FILIP1: variants seen among roughly 807,000 people sequenced by gnomAD.
FILIP1 encodes the protein filamin-A-interacting protein 1.
In FILIP1, 61 loss-of-function variants were observed where a neutral mutation model predicts 102.1. The ratio of observed to expected loss-of-function variants is 0.60; its 90% CI spans 0.49 to 0.74. FILIP1 has a LOEUF of 0.74. Among genes scored for constraint, FILIP1 ranks in the 30% least tolerant of loss-of-function variants. FILIP1 has a pLI of 0.00. For synonymous variants in FILIP1, 491 were observed against 526.9 expected, an observed-to-expected ratio of 0.93 and a Z score of 0.93; for missense variants, 1,314 against 1,441.2, an observed-to-expected ratio of 0.91 and a Z score of 1.43.
At chr6:75,433,813 T>G (rs1345871534) in intron 1 of FILIP1, among the ~76,000 whole-genome samples, 1 of 152,252 alleles carries the variant, frequency 6.6e-6, no homozygotes, top group Admixed American at 6.5e-5. Flanking sequence ...AGGGTTTTTA[T>G]GGTTTTAGGT....
intron 2 of FILIP1, among the ~76,000 whole-genome samples, chr6:75,414,140 G>A (rs1328087181): frequency 1.3e-5 from 2 of 150,344 alleles, no homozygotes; most frequent in South Asian, 2.1e-4. Context: ...CATAATGAAT[G>A]CAATGCTCTG....
In FILIP1 at chr6:75,312,504, G is replaced by T. The variant is rs748714654; in HGVS notation, c.3328C>A (p.Arg1110Ser). ...EKEVSTGTVL[R>S]SPRNHLSSRP... ...GAGGAGAGGTGATTCCTGGGAGAGCGAAGGACAGTGCCGGTGGAAACCTCC... is the reference window on the plus strand; with the variant it reads ...GAGGAGAGGTGATTCCTGGGAGAGCTAAGGACAGTGCCGGTGGAAACCTCC... Residue 1110 changes from arginine (R) to serine (S), a missense_variant, in exon 5 of 6, where the codon CGC becomes AGC. This residue lies in a region of FILIP1 where 816 missense variants were observed against 913.1 expected (regional missense o/e 0.89). Coordinates refer to ENST00000237172, the MANE Select transcript of FILIP1 (RefSeq NM_015687.5). 1 of 1,614,074 alleles carries T rather than the reference G, an allele frequency of 6.2e-7. No individual in the cohort carries two copies. The highest frequency in any genetic ancestry group is 8.5e-7 in the Non-Finnish European group (1 of 1,180,038).
intron 2 of FILIP1, among the ~76,000 whole-genome samples, chr6:75,369,206 G>A (rs1407537616): frequency 1.3e-5 from 2 of 152,148 alleles, no homozygotes; most frequent in Non-Finnish European, 2.9e-5. Flanking sequence ...CAGCCTAAAT[G>A]AGGAGGATCC....
At chr6:75,432,728 A>T (rs1431865055) in intron 1 of FILIP1, among the ~76,000 whole-genome samples, 1 of 152,028 alleles carries the variant, frequency 6.6e-6, no homozygotes, top group East Asian at 1.9e-4. Context: ...CATGTGCATA[A>T]CATGCAGGTT....
In FILIP1 at chr6:75,415,531, T is replaced by TG. The variant is rs377241837; in HGVS notation, c.-6-554dup. ...CAGGAGCCAGTTGGATGTCACAGTG[T>TG]GGAAAAAAAAAAAAAAAAAAAAAGC... On this transcript the variant is annotated intron_variant, in intron 1 of 5. Coordinates refer to ENST00000237172, the MANE Select transcript of FILIP1 (RefSeq NM_015687.5). 2.3e-4 allele frequency among the ~76,000 whole-genome samples: 25 copies of TG among 106,434 alleles called. No individual in the cohort carries two copies. In the South Asian group the frequency reaches 5.5e-3, roughly 24 times the overall value. The allele number at this position is 106,434 out of a possible 152,430, so 69.8% of individuals were successfully genotyped here.
At chr6:75,367,816 A>T (rs1405089985) in intron 2 of FILIP1, among the ~76,000 whole-genome samples, 5 of 152,226 alleles carry the variant, frequency 3.3e-5, no homozygotes, top group Non-Finnish European at 7.3e-5. Flanking sequence ...ACAACTTTAC[A>T]TCTCCATTTT....
At position 75,444,025 on chromosome 6, in the gene FILIP1, T is replaced by C. The variant is rs371846571; in HGVS notation, c.-6-29047A>G. ...AGCACAGCACTATGCATGTAGAAAGTACTTAATAAATAGAAGAGGTAACAA... is the reference window on the plus strand; with the variant it reads ...AGCACAGCACTATGCATGTAGAAAGCACTTAATAAATAGAAGAGGTAACAA... On this transcript the variant is annotated intron_variant, in intron 1 of 5. Transcript: ENST00000237172. Among the ~76,000 whole-genome samples, 55 of 152,318 alleles carry C rather than the reference T, an allele frequency of 3.6e-4. No homozygotes were observed. The South Asian group carries it at 7.7e-3, about 21-fold the overall frequency.
chr6:75,384,604 C>A (rs909481875), intron 2 of FILIP1, among the ~76,000 whole-genome samples: 1 of 151,984 alleles, frequency 6.6e-6, no homozygotes, highest in African/African-American at 2.4e-5. Context: ...ACTCCTATAG[C>A]TAATTGTTCA....
chr6:75,365,246 G>C (rs897170763), intron 2 of FILIP1, among the ~76,000 whole-genome samples: 1 of 151,982 alleles, frequency 6.6e-6, no homozygotes, highest in Non-Finnish European at 1.5e-5. Flanking sequence ...AGAATGTACT[G>C]TTGTTTGTAC....
At chr6:75,424,047 T>C (rs897441422) in intron 1 of FILIP1, among the ~76,000 whole-genome samples, 5 of 152,184 alleles carry the variant, frequency 3.3e-5, no homozygotes, top group Admixed American at 1.3e-4. Context: ...AACAGCCTGC[T>C]AAAGCAAGTA....
chr6:75,377,467 A>G (rs2951939), intron 2 of FILIP1, among the ~76,000 whole-genome samples: 112,943 of 152,122 alleles, frequency 0.74, 42,531 homozygotes, highest in African/African-American at 0.88. Context: ...CTGTTGTTTA[A>G]GAGATACGTG....
chr6:75,361,118 G>C (rs1302025435), intron 3 of FILIP1, among the ~76,000 whole-genome samples: 1 of 152,178 alleles, frequency 6.6e-6, no homozygotes, highest in Admixed American at 6.5e-5. Flanking sequence ...TCTTCAGATT[G>C]TTAAGAGGAG....
chr6:75,387,260 G>A (rs1164925722), intron 2 of FILIP1, among the ~76,000 whole-genome samples: 1 of 152,012 alleles, frequency 6.6e-6, no homozygotes, highest in Admixed American at 6.6e-5. Context: ...TCTTTTTCCA[G>A]TCTAACTTTG....
chr6:75,321,970 C>T (rs1001511794), intron 4 of FILIP1, among the ~76,000 whole-genome samples: 1 of 152,036 alleles, frequency 6.6e-6, no homozygotes, highest in South Asian at 2.1e-4. Flanking sequence ...GAAACAGATA[C>T]AGAGAAAGAG....
chr6:75,432,917 A>G (rs1416360289), intron 1 of FILIP1, among the ~76,000 whole-genome samples: 1 of 152,008 alleles, frequency 6.6e-6, no homozygotes, highest in Non-Finnish European at 1.5e-5. Context: ...TATGAGTGAG[A>G]ACATGTGGTG....
At chr6:75,337,923 C>T (rs1774295731) in intron 4 of FILIP1, among the ~76,000 whole-genome samples, 2 of 152,052 alleles carry the variant, frequency 1.3e-5, no homozygotes, top group East Asian at 3.9e-4. Context: ...AGGTTTTTTA[C>T]AGAAGTTGTT....
intron 1 of FILIP1, among the ~76,000 whole-genome samples, chr6:75,439,196 C>T (rs1038794080): frequency 2.0e-5 from 3 of 152,164 alleles, no homozygotes; most frequent in Non-Finnish European, 4.4e-5. Flanking sequence ...GAAACCCCAT[C>T]TCTACTAAAA....
chr6:75,405,766 CA>C (rs1208295605), intron 2 of FILIP1, among the ~76,000 whole-genome samples: 2 of 152,172 alleles, frequency 1.3e-5, no homozygotes, highest in Non-Finnish European at 2.9e-5. Flanking sequence ...AAAGGACTGA[CA>C]GGGGTGAGTG....
At position 75,314,652 on chromosome 6, in the gene FILIP1, C is replaced by A; in HGVS notation, c.1180G>T (p.Asp394Tyr). ...RKRVLEMEGK[D>Y]EEITKTESQC... The stretch of plus-strand genomic sequence containing the variant: ...GATTCAGTTTTAGTGATCTCCTCAT[C>A]TTTACCTTCCATTTCAAGCACACGC... Residue 394 changes from aspartate to tyrosine, a missense_variant, in exon 5 of 6, where the codon GAT becomes TAT. Coordinates refer to ENST00000237172, the MANE Select transcript of FILIP1 (RefSeq NM_015687.5). The A allele has an allele frequency of 6.2e-7, 1 of 1,613,728 alleles. No individual in the cohort carries two copies. The highest frequency in any genetic ancestry group is 8.5e-7 in the Non-Finnish European group (1 of 1,179,932).
Sources: gnomAD v4.1 joint callset for allele counts (sites outside exome capture counted in the v4.1 genomes callset) on GRCh38, gnomAD v4.1.1 for gene constraint, gnomAD v4.1.1 regional missense constraint, MANE v1.5 for transcripts, NCBI Gene and HGNC (gene_info 2026-07-23, HGNC 2026-07-21) for gene names.